The following UTP20 variants were observed in gnomAD, a reference collection of about 807,000 sequenced individuals.
The protein encoded by UTP20 is UTP20 small subunit processome component.
UTP20 carries 164 observed loss-of-function variants against 329.5 expected under a neutral mutation model. That is an observed-to-expected ratio of 0.50 (90% CI 0.44 to 0.57). The LOEUF (loss-of-function observed/expected upper bound fraction) is 0.57. Ranked by LOEUF, UTP20 falls within the 20% of genes least tolerant of loss-of-function variation. UTP20 has a pLI of 0.00. For synonymous variants in UTP20, 1,151 were observed against 1,159.3 expected (o/e 0.99, Z 0.14); for missense variants, 3,055 against 3,284.2 (o/e 0.93, Z 1.71).
Position 101,315,017 on chromosome 12 carries a change from C to T in UTP20, c.2553-2461C>T, listed in dbSNP as rs375185150. Reference sequence around the variant, plus strand: ...CTGAGGCAGGAGAATCACATGAACCCGGAGGCAGAGGTTGCAGTGAGCCGA... The same window carrying T: ...CTGAGGCAGGAGAATCACATGAACCTGGAGGCAGAGGTTGCAGTGAGCCGA... On this transcript the variant is annotated intron_variant, in intron 21 of 61. Coordinates refer to ENST00000261637, the MANE Select transcript of UTP20 (RefSeq NM_014503.3). 1.8e-3 allele frequency among the ~76,000 whole-genome samples: 266 copies of T among 151,650 alleles called. 2 individuals carry two copies. Among genetic ancestry groups the T allele is most frequent in the African/African-American group, 6.0e-3 (248 of 41,378 alleles).
chr12:101,297,404 G>A (rs1197530704), intron 12 of UTP20, among the ~76,000 whole-genome samples: 1 of 151,906 alleles, frequency 6.6e-6, no homozygotes, highest in Non-Finnish European at 1.5e-5. Flanking sequence ...TTGTAGAGAC[G>A]AGGTCTCGCT....
At chr12:101,364,075 T>C (rs2121006849) in intron 45 of UTP20, among the ~76,000 whole-genome samples, 1 of 152,288 alleles carries the variant, frequency 6.6e-6, no homozygotes, top group Middle Eastern at 3.4e-3. Context: ...TGAGTAACAT[T>C]TCCTTATATG....
intron 29 of UTP20, among the ~76,000 whole-genome samples, chr12:101,336,304 T>C (rs1868933468): frequency 6.6e-6 from 1 of 152,226 alleles, no homozygotes; most frequent in African/African-American, 2.4e-5. Flanking sequence ...TAAAAAAATT[T>C]AGATTTTGAA....
intron 60 of UTP20, 145 bp from the exon 61 acceptor site, chr12:101,385,438 G>A: frequency 2.3e-6 from 2 of 887,536 alleles, no homozygotes; most frequent in East Asian, 5.1e-5. Context: ...AATGCTGCAA[G>A]AGTTGAAATT....
rs34792833 is a variant in UTP20 at position 101,301,345 on chromosome 12, G to GC, written c.1676-1095dup. ...GACCAGCTTGGGACACATAGTGAGA[G>GC]CCCCCCCCGCCCAACTCTGACTCTC... is the stretch of plus-strand genomic sequence containing the variant. On this transcript the variant is annotated intron_variant, in intron 14 of 61. Coordinates refer to ENST00000261637, the MANE Select transcript of UTP20 (RefSeq NM_014503.3). 7.3e-3 allele frequency among the ~76,000 whole-genome samples: 1,112 copies of GC among 151,298 alleles called. 5 individuals are homozygous for GC. The highest frequency in any genetic ancestry group is 0.016 in the African/African-American group (639 of 41,212).
intron 12 of UTP20, among the ~76,000 whole-genome samples, chr12:101,296,036 G>C (rs1375465339): frequency 6.6e-6 from 1 of 152,178 alleles, no homozygotes; most frequent in African/African-American, 2.4e-5. Context: ...TCTTCACTCA[G>C]ATTACTCCAT....
Position 101,319,555 on chromosome 12 carries a change from G to C in UTP20, c.2749G>C (p.Ala917Pro), listed in dbSNP as rs999865991. ...TTTGTTTTTGTTTAGGCAATTAATT[G>C]CTCATTTGCAAGTTTTCTCTAAATT... ...TRRAAAKQLI[A>P]HLQVFSKFSN... Residue 917 changes from alanine to proline, a missense_variant, in exon 23 of 62, where the codon GCT becomes CCT. By Grantham distance (27) the Ala-to-Pro change is conservative. This residue lies in a region of UTP20 where 2,445 missense variants were observed against 2,575.5 expected (regional missense o/e 0.95). Coordinates refer to ENST00000261637, the MANE Select transcript of UTP20 (RefSeq NM_014503.3). The C allele has an allele frequency of 3.7e-6, 6 of 1,603,758 alleles. No individual in the cohort carries two copies. The Admixed American group carries it at 1.0e-4, about 28-fold the overall frequency.
At chr12:101,349,611 T>G (rs1869450449) in intron 38 of UTP20, among the ~76,000 whole-genome samples, 1 of 152,006 alleles carries the variant, frequency 6.6e-6, no homozygotes, top group African/African-American at 2.4e-5. Flanking sequence ...ACTAATTTTA[T>G]TATATTTTTG....
At chr12:101,319,723 T>C in intron 23 of UTP20, 88 bp downstream of exon 23, 1 of 1,082,588 alleles carries the variant, frequency 9.2e-7, no homozygotes, top group Non-Finnish European at 1.3e-6. Context: ...TTTTCAATAA[T>C]TGCTGAATAG....
rs1409130821 is a variant in UTP20, at chr12:101,374,816, T to G, written c.7140T>G (p.Asn2380Lys). Reference protein sequence around the residue: ...TTWFGAKKRLNRQLAALICGL... With the variant: ...TTWFGAKKRLKRQLAALICGL... ...TGGTTTATTTTTGGTAGCGCTTAAA[T>G]AGACAACTTGCTGCCCTGATCTGTG... The change falls in exon 55 of 62, where the codon AAT (asparagine) becomes AAG (lysine). Residue 2380 changes from asparagine to lysine, a missense_variant. By Grantham distance (94) the Asn-to-Lys change is moderately conservative. Transcript: ENST00000261637. The G allele has an allele frequency of 9.2e-7, 1 of 1,087,752 alleles. No individual in the cohort carries two copies. The highest frequency in any genetic ancestry group is 2.3e-5 in the East Asian group (1 of 42,592). 67.4% of individuals were successfully genotyped at this position (1,087,752 alleles called of 1,614,324 possible).
At chr12:101,376,600 A>T (rs760349217) in intron 56 of UTP20, among the ~76,000 whole-genome samples, 1 of 152,002 alleles carries the variant, frequency 6.6e-6, no homozygotes, top group African/African-American at 2.4e-5. Context: ...ATTTTTTTTT[A>T]ATGAGTAGTG....
chr12:101,309,330 G>A (rs1051841610), intron 18 of UTP20, among the ~76,000 whole-genome samples: 4 of 152,138 alleles, frequency 2.6e-5, no homozygotes, highest in Admixed American at 2.0e-4. Context: ...AAAGGTGACC[G>A]GGAAACTTTA....
chr12:101,365,313 G>A, intron 45 of UTP20, 146 bp from the exon 46 acceptor site: 1 of 610,540 alleles, frequency 1.6e-6, no homozygotes, highest in Non-Finnish European at 2.8e-6. Flanking sequence ...TTATATCTGT[G>A]TTTGAAATTA....
chr12:101,373,825 T>A, intron 54 of UTP20, 58 bp downstream of exon 54: 1 of 1,555,128 alleles, frequency 6.4e-7, no homozygotes, highest in Non-Finnish European at 8.7e-7. Context: ...GGATCATAGT[T>A]TAAGTAAGAA....
intron 29 of UTP20, among the ~76,000 whole-genome samples, chr12:101,336,915 A>G (rs1386060102): frequency 6.6e-6 from 1 of 152,252 alleles, no homozygotes; most frequent in African/African-American, 2.4e-5. Context: ...GGGAAGTTGC[A>G]TTGTATCTGA....
At chr12:101,343,580 G>A (rs1260280051) in intron 35 of UTP20, among the ~76,000 whole-genome samples, 1 of 152,030 alleles carries the variant, frequency 6.6e-6, no homozygotes, top group African/African-American at 2.4e-5. Context: ...ATGTGATCTT[G>A]GTTCACTGCA....
chr12:101,310,042 A>G (rs1054355408), intron 19 of UTP20, among the ~76,000 whole-genome samples: 2 of 152,162 alleles, frequency 1.3e-5, no homozygotes, highest in Admixed American at 1.3e-4. Flanking sequence ...TAGTTCCAAT[A>G]TTATACGTGT....
chr12:101,342,941 C>T lies in UTP20; in HGVS notation c.4297C>T (p.Leu1433Phe). The T allele has an allele frequency of 1.2e-6, 2 of 1,612,978 alleles. No homozygotes were observed. The highest frequency in any genetic ancestry group is 1.7e-6 in the Non-Finnish European group (2 of 1,179,782). ...ATAACTTCAATGGCATTTCTTATAG[C>T]TTAACGCCTTCGATCAAAGACATCT... ...GLKYITDVVKLNAFDQRHLDD... is the reference protein window; with the variant it reads ...GLKYITDVVKFNAFDQRHLDD... The change falls in exon 35 of 62, where the codon CTT becomes TTT. Residue 1433 changes from leucine (L) to phenylalanine (F), a missense_variant and splice_region_variant. Physicochemically the swap from Leu to Phe is conservative, Grantham distance 22. Coordinates refer to ENST00000261637, the MANE Select transcript of UTP20 (RefSeq NM_014503.3).
Position 101,339,015 on chromosome 12 carries a change from A to T in UTP20, c.4013+58A>T, listed in dbSNP as rs982314798. 6.0e-6 allele frequency: 9 copies of T among 1,512,560 alleles called. No homozygotes were observed. The East Asian group carries it at 1.5e-4, about 26-fold the overall frequency. The allele number at this position is 1,512,560 out of a possible 1,614,324, so 93.7% of individuals were successfully genotyped here. A position where few individuals can be genotyped will look rare whatever the true frequency, so the allele number is the denominator to read the frequency against. On this transcript the variant is annotated intron_variant, in intron 31 of 61. Transcript: ENST00000261637. ...TTACCATCCTTGGTTTTAACTTTTT[A>T]AAAAATTATTATCTTGGCCAGGCGT...
Sources: allele counts gnomAD v4.1 joint callset (sites outside exome capture counted in the v4.1 genomes callset), GRCh38; gene constraint gnomAD v4.1.1; regional missense constraint gnomAD v4.1.1; transcripts MANE v1.5; gene names NCBI Gene and HGNC (gene_info 2026-07-23, HGNC 2026-07-21).